The following GNAO1 variants were observed in gnomAD, a reference collection of about 807,000 sequenced individuals.
The protein encoded by GNAO1 is guanine nucleotide-binding protein G(o) subunit alpha.
For synonymous variants in GNAO1, 164 were observed against 180.7 expected, an observed-to-expected ratio of 0.91 and a Z score of 0.74; for missense variants, 166 against 478.7, an observed-to-expected ratio of 0.35 and a Z score of 6.10.
At chr16:56,229,872 AC>A (rs1445391306) in intron 2 of GNAO1, among the ~76,000 whole-genome samples, 1 of 152,146 alleles carries the variant, frequency 6.6e-6, no homozygotes, top group East Asian at 1.9e-4. Flanking sequence ...CACTCTTAGA[AC>A]TTCTCGAGCT....
intron 3 of GNAO1, among the ~76,000 whole-genome samples, chr16:56,288,041 G>A (rs1367887034): frequency 8.5e-5 from 13 of 152,094 alleles, no homozygotes; most frequent in Non-Finnish European, 1.8e-4. Flanking sequence ...TTTTCATTAG[G>A]GCCGCCTATG....
At chr16:56,323,186 GA>G (rs1356103816) in intron 3 of GNAO1, among the ~76,000 whole-genome samples, 1 of 152,206 alleles carries the variant, frequency 6.6e-6, no homozygotes, top group African/African-American at 2.4e-5. Context: ...CAAGTTGGAG[GA>G]TGTCAGGACA....
intron 2 of GNAO1, chr16:56,194,443 C>T: frequency 2.8e-6 from 1 of 356,860 alleles, no homozygotes; most frequent in South Asian, 2.1e-5. Context: ...AGTAGAAGCC[C>T]CAGCCACCTG....
chr16:56,355,922 G>A (rs1044219628), intron 8 of GNAO1, 181 bp from the exon 9 acceptor site: 1 of 152,272 alleles, frequency 6.6e-6, no homozygotes, highest in Admixed American at 6.5e-5. Flanking sequence ...TCTCAGGGGG[G>A]GGCCAGGCTT....
chr16:56,196,259 C>T (rs115638851), intron 2 of GNAO1, among the ~76,000 whole-genome samples: 1,769 of 152,078 alleles, frequency 0.012, 34 homozygotes, highest in African/African-American at 0.04. Context: ...TAATTTTATA[C>T]ATACCATGTG....
intron 2 of GNAO1, among the ~76,000 whole-genome samples, chr16:56,262,642 G>T (rs1448002165): frequency 6.6e-6 from 1 of 152,102 alleles, no homozygotes; most frequent in Non-Finnish European, 1.5e-5. Context: ...TATGCAGACT[G>T]CTCCCAATGT....
intron 6 of GNAO1, chr16:56,344,651 G>C: frequency 2.4e-5 from 24 of 985,770 alleles, no homozygotes; most frequent in Non-Finnish European, 2.9e-5. Context: ...GGAGCGGGGG[G>C]AGGGAGAGAT....
At chr16:56,246,572 G>C (rs1282676232) in intron 2 of GNAO1, among the ~76,000 whole-genome samples, 1 of 152,180 alleles carries the variant, frequency 6.6e-6, no homozygotes, top group Non-Finnish European at 1.5e-5. Flanking sequence ...GAGGCACGAG[G>C]ACCCAGTGTG....
intron 2 of GNAO1, among the ~76,000 whole-genome samples, chr16:56,264,596 A>G (rs2036934389): frequency 6.6e-6 from 1 of 152,160 alleles, no homozygotes; most frequent in African/African-American, 2.4e-5. Context: ...TGTCAACAGG[A>G]CATCCTTCTT....
At chr16:56,230,223 G>T (rs1330608881) in intron 2 of GNAO1, among the ~76,000 whole-genome samples, 1 of 152,178 alleles carries the variant, frequency 6.6e-6, no homozygotes. Flanking sequence ...GCCCAGCCTG[G>T]TGTGCAGTGA....
At position 56,354,887 on chromosome 16, in the gene GNAO1, C is replaced by T; in HGVS notation, c.899C>T (p.Ala300Val). 1.9e-6 allele frequency: 3 copies of T among 1,612,440 alleles called. No individual in the cohort carries two copies. Among genetic ancestry groups the T allele is most frequent in the Non-Finnish European group, 2.5e-6 (3 of 1,178,742 alleles). ...ACAGGCCCCAATACCTATGAAGACG[C>T]AGCCGCCTACATCCAAGCACAATTT... ...EYTGPNTYED[A>V]AAYIQAQFES... is the part of the protein sequence containing the mutation. Residue 300 changes from alanine to valine, a missense_variant, in exon 8 of 9, where the codon GCA becomes GTA. Coordinates refer to ENST00000262493, the MANE Select transcript of GNAO1 (RefSeq NM_020988.3). This position sits in a 1 kb window ranked among gnomAD's most constrained non-coding sequence, Gnocchi z 4.3.
At chr16:56,344,291 G>C in intron 6 of GNAO1, 1 of 1,200,786 alleles carries the variant, frequency 8.3e-7, no homozygotes, top group Non-Finnish European at 1.0e-6. Flanking sequence ...TGGAAGCCTC[G>C]GAGTGTCCTC....
chr16:56,199,545 A>G (rs756903347), intron 2 of GNAO1, among the ~76,000 whole-genome samples: 4 of 152,196 alleles, frequency 2.6e-5, no homozygotes, highest in Non-Finnish European at 4.4e-5. Context: ...AGATTTGCAG[A>G]CTAGTAAAAG....
chr16:56,238,961 A>T (rs530358507), intron 2 of GNAO1, among the ~76,000 whole-genome samples: 2 of 152,204 alleles, frequency 1.3e-5, no homozygotes, highest in South Asian at 4.2e-4. Flanking sequence ...CTCACTGTAC[A>T]CTCTGAACAT....
intron 2 of GNAO1, among the ~76,000 whole-genome samples, chr16:56,202,775 G>A (rs978274183): frequency 6.6e-6 from 1 of 152,212 alleles, no homozygotes; most frequent in Non-Finnish European, 1.5e-5. Context: ...ATTTACTGGA[G>A]CACCAAAGAC....
chr16:56,211,682 TTGAAAATGCG>T (rs1187796410), intron 2 of GNAO1, among the ~76,000 whole-genome samples: 3 of 152,206 alleles, frequency 2.0e-5, no homozygotes, highest in Admixed American at 6.5e-5. Flanking sequence ...CAGTCGCGAC[TTGAAAATGCG>T]GTTGAGGTTT....
At chr16:56,343,029 C>T (rs769934604) in intron 6 of GNAO1, among the ~76,000 whole-genome samples, 7 of 151,388 alleles carry the variant, frequency 4.6e-5, no homozygotes, top group Non-Finnish European at 8.8e-5. Context: ...ACCTGGGAGT[C>T]GGAGGTTGCG....
intron 3 of GNAO1, chr16:56,301,898 C>T (rs1188371525): frequency 3.3e-5 from 5 of 152,286 alleles, no homozygotes; most frequent in Admixed American, 1.3e-4. Context: ...AATTTACAGA[C>T]GAAGATACTG....
chr16:56,351,289 C>T lies in GNAO1; in HGVS notation c.724-95C>T, dbSNP rs909069491. The T allele has an allele frequency of 3.6e-6, 3 of 838,678 alleles. No homozygotes were observed. The highest frequency in any genetic ancestry group is 2.1e-5 in the Admixed American group (1 of 47,084). The allele number at this position is 838,678 out of a possible 1,614,324, so 52.0% of individuals were successfully genotyped here. On this transcript the variant is annotated intron_variant, in intron 6 of 8. Transcript: ENST00000262493. This position sits in a 1 kb window ranked among gnomAD's most constrained non-coding sequence, Gnocchi z 6.1. ...CGGAGGAGCTGCCGAGTAGCCCAGT[C>T]CCTCTCTGTCAAGCCTAATTCTCTC...
Sources: allele counts gnomAD v4.1 joint callset (sites outside exome capture counted in the v4.1 genomes callset), GRCh38; gene constraint gnomAD v4.1.1; non-coding constraint Gnocchi (gnomAD v3.1); transcripts MANE v1.5; gene names NCBI Gene and HGNC (gene_info 2026-07-23, HGNC 2026-07-21).